The following POTEH variants were observed in gnomAD, a reference collection of about 807,000 sequenced individuals.
POTEH encodes ANKRD26-like family C member 3.
POTEH carries 6 observed loss-of-function variants against 41.7 expected under a neutral mutation model. That is an observed-to-expected ratio of 0.14 (90% confidence interval 0.08 to 0.28). The LOEUF is 0.28. Ranked by LOEUF, POTEH falls within the 10% of genes least tolerant of loss-of-function variation. The probability of loss-of-function intolerance (pLI) is 1.00; values close to 1 mark genes in which losing one functional copy is unlikely to be tolerated. For missense variants in POTEH, 115 were observed against 533.5 expected (o/e 0.22, Z 7.73); for synonymous variants, 38 against 179.9 (o/e 0.21, Z 6.31).
intron 3 of POTEH, among the ~76,000 whole-genome samples, chr22:15,697,829 G>A (rs1989464049): frequency 6.7e-6 from 1 of 149,600 alleles, no homozygotes; most frequent in African/African-American, 2.5e-5. Flanking sequence ...GTAGAGGATG[G>A]CCCTCTCAGG....
rs551757427 is a variant in POTEH at position 15,691,086 on chromosome 22, T to C, written c.632+377T>C. On this transcript the variant is annotated intron_variant, in intron 1 of 10. Transcript: ENST00000343518. Reference sequence around the variant, plus strand: ...CCCCATAACACATCAACTTCAGGGCTAAATATTCTTCAAATAAAATCCAGT... The same window carrying C: ...CCCCATAACACATCAACTTCAGGGCCAAATATTCTTCAAATAAAATCCAGT... Among the ~76,000 whole-genome samples, 11 of 144,478 alleles carry C rather than the reference T, an allele frequency of 7.6e-5. No individual in the cohort carries two copies. In the East Asian group the frequency reaches 2.2e-3, roughly 29 times the overall value. The allele number at this position is 144,478 out of a possible 152,430, so 94.8% of individuals were successfully genotyped here.
chr22:15,702,280 AT>A (rs1385799197), intron 5 of POTEH, among the ~76,000 whole-genome samples: 1 of 122,924 alleles, frequency 8.1e-6, no homozygotes, highest in Non-Finnish European at 1.7e-5. Flanking sequence ...ATGTGATCTC[AT>A]TAAATTTTTA....
intron 1 of POTEH, among the ~76,000 whole-genome samples, chr22:15,691,156 G>A (rs1989298908): frequency 1.5e-5 from 2 of 137,526 alleles, no homozygotes; most frequent in Non-Finnish European, 1.6e-5. Context: ...GTTCTTTACT[G>A]AGTAATCTTA....
intron 9 of POTEH, among the ~76,000 whole-genome samples, chr22:15,714,462 C>T (rs1228666174): frequency 6.6e-6 from 1 of 152,096 alleles, no homozygotes; most frequent in Non-Finnish European, 1.5e-5. Context: ...TGTTTCTTAT[C>T]TCTTTTGCTC....
intron 9 of POTEH, among the ~76,000 whole-genome samples, chr22:15,714,531 C>T (rs2123847672): frequency 6.6e-6 from 1 of 152,140 alleles, no homozygotes; most frequent in East Asian, 1.9e-4. Context: ...CTTAAAAACT[C>T]CAGTCACACC....
intron 1 of POTEH, among the ~76,000 whole-genome samples, chr22:15,692,081 C>T (rs1173038386): frequency 1.5e-5 from 2 of 134,712 alleles, no homozygotes; most frequent in African/African-American, 5.3e-5. Context: ...TCTCAGCTCA[C>T]TGCAACCTCT....
intron 1 of POTEH, among the ~76,000 whole-genome samples, chr22:15,691,430 G>T (rs1303037246): frequency 8.0e-6 from 1 of 125,224 alleles, no homozygotes; most frequent in African/African-American, 2.9e-5. Flanking sequence ...GGAGGCTGAG[G>T]CAGGAGAATG....
Position 15,711,355 on chromosome 22 carries a change from T to C in POTEH, c.1520+321T>C, listed in dbSNP as rs558227256. Among the ~76,000 whole-genome samples the C allele has an allele frequency of 7.2e-5, 11 of 152,128 alleles. No homozygotes were observed. In the South Asian group the frequency reaches 2.3e-3, roughly 32 times the overall value. Reference sequence around the variant, plus strand: ...ACAGATTATTTCATCAGCCACATAATAAGCAAAATACTCGAATGGTAGTTT... The same window carrying C: ...ACAGATTATTTCATCAGCCACATAACAAGCAAAATACTCGAATGGTAGTTT... On this transcript the variant is annotated intron_variant, in intron 9 of 10. Transcript: ENST00000343518.
At chr22:15,706,703 CAT>C (rs1317783639) in intron 6 of POTEH, among the ~76,000 whole-genome samples, 7 of 151,142 alleles carry the variant, frequency 4.6e-5, no homozygotes, top group East Asian at 4.0e-4. Context: ...TAAAATTACA[CAT>C]GAGGCTTTCA....
In POTEH at chr22:15,697,468, C is replaced by T. The variant is rs1450765430; in HGVS notation, c.922-1194C>T. The T allele has an allele frequency of 2.5e-5, 4 of 158,586 alleles. 1 individual carries two copies. Among genetic ancestry groups the T allele is most frequent in the Non-Finnish European group, 4.4e-5 (4 of 90,712 alleles). 9.8% of individuals were successfully genotyped at this position (158,586 alleles called of 1,614,324 possible). A position where few individuals can be genotyped will look rare whatever the true frequency, so the allele number is the denominator to read the frequency against. On this transcript the variant is annotated intron_variant, in intron 3 of 10. Transcript: ENST00000343518. ...CCCGAAGCTCAGATGGTCCTCCAACCTCAACCTCAGTTGTTTTTTTCTTTC... is the reference window on the plus strand; with the variant it reads ...CCCGAAGCTCAGATGGTCCTCCAACTTCAACCTCAGTTGTTTTTTTCTTTC...
chr22:15,713,510 T>C (rs1989863556), intron 9 of POTEH, among the ~76,000 whole-genome samples: 1 of 152,264 alleles, frequency 6.6e-6, no homozygotes, highest in Non-Finnish European at 1.5e-5. Context: ...TGACATTTTT[T>C]TTTTTTTAAG....
intron 1 of POTEH, among the ~76,000 whole-genome samples, chr22:15,691,983 TAC>T (rs201892312): frequency 0.17 from 9,227 of 52,750 alleles, 374 homozygotes; most frequent in African/African-American, 0.34. Flanking sequence ...CATATGCAGA[TAC>T]ATATATATAT....
chr22:15,693,542 GTT>G (rs1186654619), intron 1 of POTEH, among the ~76,000 whole-genome samples: 2 of 149,324 alleles, frequency 1.3e-5, no homozygotes, highest in Non-Finnish European at 3.0e-5. Flanking sequence ...TTTTAGTTGA[GTT>G]ATATATTTAT....
chr22:15,713,545 G>T (rs866463597), intron 9 of POTEH, among the ~76,000 whole-genome samples: 1 of 152,106 alleles, frequency 6.6e-6, no homozygotes, highest in Admixed American at 6.6e-5. Context: ...TGTCCCCTAG[G>T]CTGGTGTTCA....
intron 3 of POTEH, among the ~76,000 whole-genome samples, 167 bp downstream of exon 3, chr22:15,695,985 A>G (rs945747710): frequency 3.9e-5 from 2 of 51,606 alleles, no homozygotes; most frequent in African/African-American, 6.5e-5. Flanking sequence ...TGTTACTTTC[A>G]AAGAAGCATT....
At chr22:15,691,461 G>A (rs375134070) in intron 1 of POTEH, among the ~76,000 whole-genome samples, 5 of 121,904 alleles carry the variant, frequency 4.1e-5, no homozygotes, top group South Asian at 5.2e-4. Context: ...GGGAGGCGGA[G>A]CTTGCAGTGA....
At chr22:15,710,601 G>T (rs1446903589) in intron 8 of POTEH, among the ~76,000 whole-genome samples, 1 of 152,004 alleles carries the variant, frequency 6.6e-6, no homozygotes, top group Non-Finnish European at 1.5e-5. Flanking sequence ...ATAAAGGAGG[G>T]CCCTTTTTGA....
chr22:15,717,447 A>C lies in POTEH; in HGVS notation c.1521-2213A>C, dbSNP rs1222565425. On this transcript the variant is annotated intron_variant, in intron 9 of 10. Coordinates refer to ENST00000343518, the MANE Select transcript of POTEH (RefSeq NM_001136213.1). ...TCACTGTTCTCCTTTCACCACATCC[A>C]CACCAACATCTGTTTTTTTTTGTTT... Among the ~76,000 whole-genome samples, 5 of 92,116 alleles carry C rather than the reference A, an allele frequency of 5.4e-5. 2 individuals are homozygous for C. The highest frequency in any genetic ancestry group is 1.7e-4 in the African/African-American group (5 of 29,332). 60.4% of individuals were successfully genotyped at this position (92,116 alleles called of 152,430 possible). A position where few individuals can be genotyped will look rare whatever the true frequency, so the allele number is the denominator to read the frequency against.
At chr22:15,692,009 A>ATATATATATATATATATAAAC (rs1421248855) in intron 1 of POTEH, among the ~76,000 whole-genome samples, 2 of 128,584 alleles carry the variant, frequency 1.6e-5, no homozygotes, top group Non-Finnish European at 3.5e-5. Flanking sequence ...TATATATATA[A>ATATATATATATATATATAAAC]ATTTCTTTTT....
Sources: allele counts gnomAD v4.1 joint callset (sites outside exome capture counted in the v4.1 genomes callset), GRCh38; gene constraint gnomAD v4.1.1; transcripts MANE v1.5; gene names NCBI Gene and HGNC (gene_info 2026-07-23, HGNC 2026-07-21).